RAB3IP: variants seen among roughly 807,000 people sequenced by gnomAD.
The protein encoded by RAB3IP is RAB3A interacting protein, also known as rab-3A-interacting protein.
A neutral mutation model predicts 59.1 loss-of-function variants in RAB3IP; 36 were observed. The observed-to-expected ratio is 0.61, with a 90% CI of 0.47 to 0.80. The LOEUF (loss-of-function observed/expected upper bound fraction) is 0.80, where lower values mean the gene tolerates loss of function less well. Ranked by LOEUF, RAB3IP falls within the 30% of genes least tolerant of loss-of-function variation. The pLI is 0.00. For synonymous variants in RAB3IP, 207 were observed against 191.2 expected (o/e 1.08, Z -0.68); for missense variants, 511 against 536.0 (o/e 0.95, Z 0.46).
At chr12:69,759,738 G>C (rs888099022) in intron 3 of RAB3IP, among the ~76,000 whole-genome samples, 9 of 151,184 alleles carry the variant, frequency 6.0e-5, no homozygotes, top group Non-Finnish European at 1.0e-4. Flanking sequence ...CGGCTGCCGG[G>C]CGGGGGCTGA....
rs578188097 is a variant in RAB3IP at position 69,769,681 on chromosome 12, C to T, written c.510+13018C>T. 2.0e-5 allele frequency among the ~76,000 whole-genome samples: 3 copies of T among 152,296 alleles called. No homozygotes were observed. In the East Asian group the frequency reaches 5.8e-4, roughly 29 times the overall value. ...AAATATTTATTGAATAACCAAAGTA[C>T]TCAACAGCATTACAGTAGGTTGTGT... is the stretch of plus-strand genomic sequence containing the variant. On this transcript the variant is annotated intron_variant, in intron 3 of 10. Transcript: ENST00000247833.
intron 1 of RAB3IP, among the ~76,000 whole-genome samples, chr12:69,754,372 G>C (rs867824739): frequency 2.4e-5 from 3 of 125,084 alleles, no homozygotes; most frequent in South Asian, 5.4e-4. Flanking sequence ...CACACACACT[G>C]TGTATATGTA....
At chr12:69,804,290 A>G (rs1878879949) in intron 8 of RAB3IP, among the ~76,000 whole-genome samples, 1 of 152,198 alleles carries the variant, frequency 6.6e-6, no homozygotes, top group African/African-American at 2.4e-5. Context: ...GGCTACATAA[A>G]TGTCTTCTTT....
At chr12:69,766,594 C>G (rs554552648) in intron 3 of RAB3IP, among the ~76,000 whole-genome samples, 43 of 151,758 alleles carry the variant, frequency 2.8e-4, no homozygotes, top group Non-Finnish European at 4.7e-4. Flanking sequence ...CATCTCGGCT[C>G]ACTGCAACCT....
intron 3 of RAB3IP, among the ~76,000 whole-genome samples, chr12:69,770,872 C>T (rs1872994972): frequency 6.6e-6 from 1 of 152,132 alleles, no homozygotes; most frequent in East Asian, 1.9e-4. Flanking sequence ...TGTGATGAGA[C>T]ATTAAAAATC....
chr12:69,794,387 GAA>G, intron 4 of RAB3IP, 48 bp from the exon 5 acceptor site: 1 of 1,499,674 alleles, frequency 6.7e-7, no homozygotes, highest in Non-Finnish European at 9.2e-7. Flanking sequence ...AGAACTTTTT[GAA>G]AACAAATGCT....
chr12:69,782,773 C>T (rs536906253), intron 3 of RAB3IP, among the ~76,000 whole-genome samples: 1 of 151,976 alleles, frequency 6.6e-6, no homozygotes, highest in East Asian at 1.9e-4. Flanking sequence ...TTCTTCTTAC[C>T]CCAGTCCATC....
At chr12:69,747,941 C>T (rs1450277469) in intron 1 of RAB3IP, among the ~76,000 whole-genome samples, 1 of 152,122 alleles carries the variant, frequency 6.6e-6, no homozygotes, top group Non-Finnish European at 1.5e-5. Context: ...TGCCATATTA[C>T]CTCCTTTGTT....
rs3832824 is a variant in RAB3IP at position 69,820,009 on chromosome 12, CCA to C, written c.*4564_*4565del. ...CAACCTGTTACGTCTTCACTTACTC[CCA>C]TCGCCACCACAAGAATCCTGTGTGT... On this transcript the variant is annotated 3_prime_UTR_variant, in exon 11 of 11. Coordinates refer to ENST00000247833, the MANE Select transcript of RAB3IP (RefSeq NM_022456.5). 2.6e-5 allele frequency: 4 copies of C among 152,316 alleles called. No individual in the cohort carries two copies. In the East Asian group the frequency reaches 5.8e-4, roughly 22 times the overall value. The allele number at this position is 152,316 out of a possible 1,614,324, so 9.4% of individuals were successfully genotyped here.
At position 69,820,011 on chromosome 12, in the gene RAB3IP, A is replaced by G. The variant is rs1332658144; in HGVS notation, c.*4565A>G. ...ACCTGTTACGTCTTCACTTACTCCC[A>G]TCGCCACCACAAGAATCCTGTGTGT... On this transcript the variant is annotated 3_prime_UTR_variant, in exon 11 of 11. Transcript: ENST00000247833. The G allele has an allele frequency of 1.3e-5, 2 of 152,164 alleles. No individual in the cohort carries two copies. Among genetic ancestry groups the G allele is most frequent in the Non-Finnish European group, 2.9e-5 (2 of 68,048 alleles). 9.4% of individuals were successfully genotyped at this position (152,164 alleles called of 1,614,324 possible).
At position 69,801,605 on chromosome 12, in the gene RAB3IP, T is replaced by A. The variant is rs556843254; in HGVS notation, c.1018-4T>A. ...GCATCTAGTACTTTTTCTTTTTTTT[T>A]AAGTTGGCTTCAGCTGTTCTGGAGG... On this transcript the variant is annotated splice_region_variant and splice_polypyrimidine_tract_variant and intron_variant, in intron 7 of 10. Transcript: ENST00000247833. 3 of 1,595,628 alleles carry A rather than the reference T, an allele frequency of 1.9e-6. No homozygotes were observed. The African/African-American group carries it at 4.0e-5, about 21-fold the overall frequency.
At chr12:69,799,245 G>A (rs564228559) in intron 6 of RAB3IP, among the ~76,000 whole-genome samples, 12 of 152,266 alleles carry the variant, frequency 7.9e-5, no homozygotes, top group Non-Finnish European at 1.3e-4. Context: ...AGCTATCCTA[G>A]AGGCAGTCTG....
At position 69,784,707 on chromosome 12, in the gene RAB3IP, C is replaced by T; in HGVS notation, c.511-13C>T. The stretch of plus-strand genomic sequence containing the variant: ...CTATGGAGATCCAAAATAAAATTAT[C>T]AATTTCTCTTAGGAACTGAAGTTAA... On this transcript the variant is annotated splice_polypyrimidine_tract_variant and intron_variant, in intron 3 of 10. Coordinates refer to ENST00000247833, the MANE Select transcript of RAB3IP (RefSeq NM_022456.5). The T allele has an allele frequency of 6.5e-7, 1 of 1,528,092 alleles. No individual in the cohort carries two copies. The highest frequency in any genetic ancestry group is 1.2e-5 in the South Asian group (1 of 85,782). 94.7% of individuals were successfully genotyped at this position (1,528,092 alleles called of 1,614,324 possible). A position where few individuals can be genotyped will look rare whatever the true frequency, so the allele number is the denominator to read the frequency against.
chr12:69,806,437 CA>C (rs749982538), intron 8 of RAB3IP, among the ~76,000 whole-genome samples: 48 of 151,898 alleles, frequency 3.2e-4, no homozygotes, highest in Non-Finnish European at 6.6e-4. Flanking sequence ...TTGATCTTTT[CA>C]AAAAACCAGC....
At chr12:69,754,661 A>G (rs1009111397) in intron 1 of RAB3IP, among the ~76,000 whole-genome samples, 1 of 152,232 alleles carries the variant, frequency 6.6e-6, no homozygotes, top group East Asian at 1.9e-4. Context: ...AAATAATGGC[A>G]TGAGGTAACG....
chr12:69,762,679 C>T (rs1443309959), intron 3 of RAB3IP, among the ~76,000 whole-genome samples: 2 of 141,058 alleles, frequency 1.4e-5, no homozygotes, highest in Non-Finnish European at 3.0e-5. Flanking sequence ...CTGGCGTGAA[C>T]CCAGGAGGTG....
chr12:69,751,331 C>G (rs1250241912), intron 1 of RAB3IP, among the ~76,000 whole-genome samples: 1 of 152,148 alleles, frequency 6.6e-6, no homozygotes, highest in East Asian at 1.9e-4. Context: ...TTCCAGGGTC[C>G]TTTCGTACAT....
At chr12:69,811,446 C>A (rs1006543253) in intron 8 of RAB3IP, among the ~76,000 whole-genome samples, 2 of 152,164 alleles carry the variant, frequency 1.3e-5, no homozygotes, top group African/African-American at 2.4e-5. Flanking sequence ...CTTAAAGCCA[C>A]CTTACCAGAT....
At chr12:69,803,704 G>A (rs1878761907) in intron 8 of RAB3IP, among the ~76,000 whole-genome samples, 1 of 151,770 alleles carries the variant, frequency 6.6e-6, no homozygotes, top group Admixed American at 6.6e-5. Flanking sequence ...GTGTCCATAT[G>A]TTCTCATTGT....
Sources: gnomAD v4.1 joint callset for allele counts (sites outside exome capture counted in the v4.1 genomes callset) on GRCh38, gnomAD v4.1.1 for gene constraint, MANE v1.5 for transcripts, NCBI Gene and HGNC (gene_info 2026-07-23, HGNC 2026-07-21) for gene names.